RAB27B: variants seen among roughly 807,000 people sequenced by gnomAD.
RAB27B encodes ras-related protein Rab-27B.
RAB27B carries 15 observed loss-of-function variants against 24.6 expected under a neutral mutation model. The ratio of observed to expected loss-of-function variants is 0.61; its 90% CI spans 0.41 to 0.94. The LOEUF (loss-of-function observed/expected upper bound fraction) is 0.94. Among genes scored for constraint, RAB27B ranks in the 40% least tolerant of loss-of-function variants. The pLI is 0.00. For synonymous variants in RAB27B, 105 were observed against 92.5 expected (o/e 1.14, Z -0.78); for missense variants, 261 against 266.8 (o/e 0.98, Z 0.15).
chr18:54,804,704 G>A (rs1909714508), intron 2 of RAB27B, among the ~76,000 whole-genome samples: 1 of 152,194 alleles, frequency 6.6e-6, no homozygotes, highest in Non-Finnish European at 1.5e-5. Flanking sequence ...CAGAACTGGA[G>A]TTGAATCCTT....
At chr18:54,848,458 C>A (rs774901009) in intron 1 of RAB27B, among the ~76,000 whole-genome samples, 4 of 152,044 alleles carry the variant, frequency 2.6e-5, no homozygotes, top group Non-Finnish European at 5.9e-5. Context: ...AGGTAAAGAA[C>A]TATTTGGGTA....
At chr18:54,856,866 G>T (rs999285928) in intron 1 of RAB27B, among the ~76,000 whole-genome samples, 2 of 152,188 alleles carry the variant, frequency 1.3e-5, no homozygotes, top group South Asian at 4.1e-4. Context: ...TTTCGTAAAA[G>T]AAACTATGCT....
At chr18:54,751,400 A>G (rs1907825798) in intron 2 of RAB27B, among the ~76,000 whole-genome samples, 1 of 152,144 alleles carries the variant, frequency 6.6e-6, no homozygotes, top group African/African-American at 2.4e-5. Context: ...CATGAAGAAA[A>G]TGATCAATTT....
At chr18:54,818,106 C>G (rs1430254527) in intron 2 of RAB27B, among the ~76,000 whole-genome samples, 1 of 152,130 alleles carries the variant, frequency 6.6e-6, no homozygotes, top group African/African-American at 2.4e-5. Flanking sequence ...TTCTATTATT[C>G]TGGAAATGTT....
chr18:54,839,982 T>A (rs1885931455), intron 1 of RAB27B, among the ~76,000 whole-genome samples: 1 of 152,196 alleles, frequency 6.6e-6, no homozygotes, highest in Admixed American at 6.5e-5. Flanking sequence ...CAAAAGATGC[T>A]TTTTTGCAGA....
chr18:54,798,548 A>T (rs1241900550), intron 2 of RAB27B, among the ~76,000 whole-genome samples: 1 of 152,254 alleles, frequency 6.6e-6, no homozygotes, highest in Non-Finnish European at 1.5e-5. Context: ...ATAAGTGTCC[A>T]GGCAGAGAAA....
intron 1 of RAB27B, among the ~76,000 whole-genome samples, chr18:54,840,099 A>C (rs1911049558): frequency 2.0e-5 from 3 of 152,220 alleles, no homozygotes; most frequent in African/African-American, 7.2e-5. Context: ...CTGTCTGGGC[A>C]AATAATGTTA....
chr18:54,780,550 G>A (rs1308365734), intron 2 of RAB27B, among the ~76,000 whole-genome samples: 1 of 152,006 alleles, frequency 6.6e-6, no homozygotes, highest in East Asian at 1.9e-4. Context: ...GTCCTCGCGT[G>A]GCCTTTTCTC....
At chr18:54,815,575 T>A (rs1223381041) in intron 2 of RAB27B, among the ~76,000 whole-genome samples, 1 of 152,200 alleles carries the variant, frequency 6.6e-6, no homozygotes, top group Non-Finnish European at 1.5e-5. Context: ...ATTTATTGAT[T>A]TAGCCAAATC....
intron 1 of RAB27B, among the ~76,000 whole-genome samples, chr18:54,858,572 T>C (rs1653841552): frequency 6.6e-6 from 1 of 152,036 alleles, no homozygotes; most frequent in Non-Finnish European, 1.5e-5. Context: ...TTTATATATT[T>C]TTAGTAGAGA....
intron 2 of RAB27B, among the ~76,000 whole-genome samples, chr18:54,719,761 C>T (rs568311061): frequency 6.6e-6 from 1 of 152,002 alleles, no homozygotes; most frequent in South Asian, 2.1e-4. Context: ...TTAAAGTTTT[C>T]TCCTTTCTCT....
At chr18:54,766,269 G>A (rs1293163898) in intron 2 of RAB27B, among the ~76,000 whole-genome samples, 2 of 152,100 alleles carry the variant, frequency 1.3e-5, no homozygotes. Context: ...ACAGTAAATG[G>A]AGTCATTATG....
At position 54,893,704 on chromosome 18, in the gene RAB27B, T is replaced by C. The variant is rs1913459511; in HGVS notation, c.*4291T>C. The C allele has an allele frequency of 1.3e-5, 2 of 151,970 alleles. No homozygotes were observed. The highest frequency in any genetic ancestry group is 4.8e-5 in the African/African-American group (2 of 41,412). The allele number at this position is 151,970 out of a possible 1,614,324, so 9.4% of individuals were successfully genotyped here. On this transcript the variant is annotated 3_prime_UTR_variant, in exon 6 of 6. Coordinates refer to ENST00000262094, the MANE Select transcript of RAB27B (RefSeq NM_004163.4). ...AGAACTGATACAAATTTTGGTTGGATATATAGAGAATTTTATAAATGTATT... is the reference window on the plus strand; with the variant it reads ...AGAACTGATACAAATTTTGGTTGGACATATAGAGAATTTTATAAATGTATT...
At chr18:54,830,147 C>T (rs961210447) in intron 1 of RAB27B, among the ~76,000 whole-genome samples, 9 of 152,286 alleles carry the variant, frequency 5.9e-5, no homozygotes, top group Middle Eastern at 3.4e-3. Context: ...CTGGAACAGG[C>T]ATGTTTGACC....
intron 2 of RAB27B, among the ~76,000 whole-genome samples, chr18:54,749,779 A>G (rs990171648): frequency 2.0e-5 from 3 of 152,184 alleles, no homozygotes; most frequent in African/African-American, 7.2e-5. Flanking sequence ...ACATTTTTCT[A>G]ATATTCATAA....
In RAB27B at chr18:54,889,313, A is replaced by G. The variant is rs1411357783; in HGVS notation, c.557A>G (p.Glu186Gly). 1 of 1,613,390 alleles carries G rather than the reference A, an allele frequency of 6.2e-7. No individual in the cohort carries two copies. The highest frequency in any genetic ancestry group is 2.2e-5 in the East Asian group (1 of 44,866). ...TLLDLIMKRM[E>G]QCVEKTQIPD... Reference sequence around the variant, plus strand: ...TTGGACTTAATCATGAAGCGAATGGAACAGTGTGTGGAGAAGACACAAATC... The same window carrying G: ...TTGGACTTAATCATGAAGCGAATGGGACAGTGTGTGGAGAAGACACAAATC... The change falls in exon 6 of 6, where the codon GAA (glutamate) becomes GGA (glycine). Residue 186 changes from glutamate to glycine, a missense_variant. Physicochemically the swap from Glu to Gly is moderately conservative, Grantham distance 98 (BLOSUM62 -2). Transcript: ENST00000262094.
chr18:54,799,951 A>G lies in RAB27B; in HGVS notation c.-19-77616A>G, dbSNP rs546652254. On this transcript the variant is annotated intron_variant, in intron 2 of 4. Coordinates refer to the RAB27B transcript ENST00000586570. ...GTAAGCCACTGTGCCCAGCCAATAA[A>G]ATGATTTTTTAAGGAGAATAACCGT... is the stretch of plus-strand genomic sequence containing the variant. Among the ~76,000 whole-genome samples, 7 of 152,198 alleles carry G rather than the reference A, an allele frequency of 4.6e-5. No individual in the cohort carries two copies. The East Asian group carries it at 7.7e-4, about 17-fold the overall frequency.
chr18:54,821,467 T>C (rs62091462), intron 2 of RAB27B, among the ~76,000 whole-genome samples: 34,832 of 152,054 alleles, frequency 0.23, 4,233 homozygotes, highest in East Asian at 0.39. Flanking sequence ...CTGCCCACAA[T>C]TTGACTTCCT....
chr18:54,824,553 G>A (rs1311229284), upstream of RAB27B, among the ~76,000 whole-genome samples: 5 of 152,144 alleles, frequency 3.3e-5, no homozygotes, highest in Non-Finnish European at 5.9e-5. Flanking sequence ...TTGGTTCTTC[G>A]CATCTGCGCA....
Sources: allele counts gnomAD v4.1 joint callset (sites outside exome capture counted in the v4.1 genomes callset), GRCh38; gene constraint gnomAD v4.1.1; transcripts MANE v1.5; gene names NCBI Gene and HGNC (gene_info 2026-07-23, HGNC 2026-07-21).